Variants in BBS4 observed in about 807,000 individuals in gnomAD.
BBS4 encodes Bardet-Biedl syndrome 4.
Under a neutral mutation model 71.4 loss-of-function variants are expected in BBS4, and 58 were observed. That is an observed-to-expected ratio of 0.81 (90% confidence interval 0.66 to 1.01). The LOEUF (loss-of-function observed/expected upper bound fraction) is 1.01. Among genes scored for constraint, BBS4 ranks in the 50% least tolerant of loss-of-function variants. The pLI, the probability that BBS4 is intolerant of heterozygous loss-of-function variation, is 0.00. For missense variants in BBS4, 660 were observed against 607.9 expected (o/e 1.09, Z -0.90); for synonymous variants, 228 against 216.8 (o/e 1.05, Z -0.46).
intron 6 of BBS4, among the ~76,000 whole-genome samples, chr15:72,719,240 G>A (rs2065521029): frequency 6.7e-6 from 1 of 149,096 alleles, no homozygotes; most frequent in Non-Finnish European, 1.5e-5. Context: ...ATCCCTGGAT[G>A]CTAGCAGTTT....
Position 72,736,783 on chromosome 15 carries a change from T to A in BBS4, c.1270T>A (p.Leu424Met), listed in dbSNP as rs376011637. 1.9e-6 allele frequency: 3 copies of A among 1,614,146 alleles called. No individual in the cohort carries two copies. Among genetic ancestry groups the A allele is most frequent in the Non-Finnish European group, 2.5e-6 (3 of 1,180,018 alleles). ...DSEMVEMAQK[L>M]GAALQVGEAL... ...CAAGATGGTGGAGATGGCTCAGAAG[T>A]TGGGAGCTGCTCTCCAGGTTGGGGA... The change falls in exon 15 of 16, where the codon TTG becomes ATG. Residue 424 changes from leucine to methionine, a missense_variant. Transcript: ENST00000268057.
At chr15:72,730,145 C>T (rs539375613) in intron 10 of BBS4, among the ~76,000 whole-genome samples, 330 of 151,838 alleles carry the variant, frequency 2.2e-3, no homozygotes, top group African/African-American at 7.7e-3. Flanking sequence ...GGCGTGGTGG[C>T]GGGCGCCTGT....
intron 1 of BBS4, chr15:72,686,768 A>T (rs2064852571): frequency 2.7e-6 from 1 of 365,376 alleles, no homozygotes; most frequent in African/African-American, 2.1e-5. Context: ...GCTAATATAG[A>T]GGAACCCGAT....
intron 5 of BBS4, 143 bp downstream of exon 5, chr15:72,715,545 CT>C: frequency 1.4e-6 from 1 of 699,396 alleles, no homozygotes; most frequent in Admixed American, 2.1e-5. Context: ...GGGATTCACT[CT>C]GAAGAGCATG....
rs370635182 is a variant in BBS4, at chr15:72,735,925, A to G, written c.1207A>G (p.Ser403Gly). Residue 403 changes from serine to glycine, a missense_variant, in exon 14 of 16, where the codon AGC becomes GGC. By Grantham distance (56) the Ser-to-Gly change is moderately conservative. Transcript: ENST00000268057. ...AQYQEMEKKVSLLKDNSSLEF... is the reference protein window; with the variant it reads ...AQYQEMEKKVGLLKDNSSLEF... ...ATATCAGGAGATGGAGAAGAAAGTC[A>G]GCCTACTCAAGGACAATAGCTCTCT... The G allele has an allele frequency of 1.2e-6, 2 of 1,614,158 alleles. No homozygotes were observed. The highest frequency in any genetic ancestry group is 1.7e-6 in the Non-Finnish European group (2 of 1,180,030).
intron 2 of BBS4, among the ~76,000 whole-genome samples, chr15:72,706,962 T>C (rs1046111524): frequency 1.3e-5 from 2 of 152,088 alleles, no homozygotes; most frequent in African/African-American, 4.8e-5. Context: ...ATTACAGTTG[T>C]GAGCCAGTGT....
At chr15:72,706,747 A>T (rs2065270456) in intron 2 of BBS4, among the ~76,000 whole-genome samples, 1 of 152,214 alleles carries the variant, frequency 6.6e-6, no homozygotes, top group African/African-American at 2.4e-5. Flanking sequence ...GTAAAGTCAT[A>T]TCCATACTTT....
At chr15:72,716,190 T>G (rs1416140860) in intron 5 of BBS4, among the ~76,000 whole-genome samples, 2 of 152,210 alleles carry the variant, frequency 1.3e-5, no homozygotes, top group Non-Finnish European at 2.9e-5. Context: ...CTCTATTTGT[T>G]GAGTGAATGT....
rs1406688504 is a variant in BBS4 at position 72,703,003 on chromosome 15, G to T, written c.77-6697G>T. Among the ~76,000 whole-genome samples, 4 of 13,754 alleles carry T rather than the reference G, an allele frequency of 2.9e-4. No homozygotes were observed. The Admixed American group carries it at 8.5e-3, about 29-fold the overall frequency. The allele number at this position is 13,754 out of a possible 152,430, so 9.0% of individuals were successfully genotyped here. ...TTTTTGTATTTTTAGTAGAGACGGGGTTTCACCTTTTTTTAGCCGGGATGG... is the reference window on the plus strand; with the variant it reads ...TTTTTGTATTTTTAGTAGAGACGGGTTTTCACCTTTTTTTAGCCGGGATGG... On this transcript the variant is annotated intron_variant, in intron 2 of 15. Coordinates refer to ENST00000268057, the MANE Select transcript of BBS4 (RefSeq NM_033028.5).
chr15:72,725,630 G>A (rs2065657374), intron 8 of BBS4, among the ~76,000 whole-genome samples: 1 of 151,982 alleles, frequency 6.6e-6, no homozygotes, highest in Non-Finnish European at 1.5e-5. Context: ...AAAACATTTG[G>A]CCTTATTAGC....
In BBS4 at chr15:72,737,802, G is replaced by A. The variant is rs1422506530; in HGVS notation, c.*215G>A. 3 of 580,112 alleles carry A rather than the reference G, an allele frequency of 5.2e-6. No individual in the cohort carries two copies. Among genetic ancestry groups the A allele is most frequent in the Non-Finnish European group, 9.7e-6 (3 of 308,528 alleles). The allele number at this position is 580,112 out of a possible 1,614,324, so 35.9% of individuals were successfully genotyped here. Reference sequence around the variant, plus strand: ...TCTACTGCCCCATAAGCCAGGAAAAGTGAAAAGAGAACACAGTTCCTTTAA... The same window carrying A: ...TCTACTGCCCCATAAGCCAGGAAAAATGAAAAGAGAACACAGTTCCTTTAA... On this transcript the variant is annotated 3_prime_UTR_variant, in exon 16 of 16. Transcript: ENST00000268057.
chr15:72,735,476 G>C (rs2151054200), intron 13 of BBS4: 1 of 522,188 alleles, frequency 1.9e-6, no homozygotes, highest in South Asian at 2.0e-5. Flanking sequence ...TGGAATATCA[G>C]ATGGGACTCT....
At chr15:72,704,503 C>T in intron 2 of BBS4, 1 of 1,222,774 alleles carries the variant, frequency 8.2e-7, no homozygotes, top group Non-Finnish European at 1.1e-6. Flanking sequence ...ATTGTAAATT[C>T]AGGATTCATA....
intron 12 of BBS4, among the ~76,000 whole-genome samples, chr15:72,732,965 C>T (rs2065853580): frequency 6.6e-6 from 1 of 152,102 alleles, no homozygotes; most frequent in African/African-American, 2.4e-5. Flanking sequence ...GGTACCTGAC[C>T]CTCGGGTGAC....
chr15:72,715,163 A>T, intron 4 of BBS4, 128 bp from the exon 5 acceptor site: 3 of 706,848 alleles, frequency 4.2e-6, no homozygotes, highest in Non-Finnish European at 7.5e-6. Context: ...TGTTTTAAGG[A>T]TACAGTTGTC....
intron 1 of BBS4, among the ~76,000 whole-genome samples, chr15:72,692,613 G>GA (rs1446075551): frequency 8.0e-5 from 12 of 149,888 alleles, no homozygotes; most frequent in East Asian, 2.0e-4. Flanking sequence ...ACACCTGGCT[G>GA]TTTGTTTGTT....
At chr15:72,730,305 AAAAT>A (rs1165926680) in intron 10 of BBS4, among the ~76,000 whole-genome samples, 1 of 151,658 alleles carries the variant, frequency 6.6e-6, no homozygotes, top group Non-Finnish European at 1.5e-5. Flanking sequence ...AAAAATAAAA[AAAAT>A]AAATCTGCTG....
chr15:72,694,374 A>G (rs2065039508), intron 1 of BBS4, among the ~76,000 whole-genome samples: 1 of 151,952 alleles, frequency 6.6e-6, no homozygotes, highest in African/African-American at 2.4e-5. Flanking sequence ...TATATTTAGT[A>G]GAGACGGGGT....
At chr15:72,714,654 T>C (rs1331691158) in intron 4 of BBS4, among the ~76,000 whole-genome samples, 1 of 152,238 alleles carries the variant, frequency 6.6e-6, no homozygotes, top group Non-Finnish European at 1.5e-5. Flanking sequence ...GTCTTCAGAT[T>C]AACATATAAT....
Sources: gnomAD v4.1 joint callset for allele counts (sites outside exome capture counted in the v4.1 genomes callset) on GRCh38, gnomAD v4.1.1 for gene constraint, MANE v1.5 for transcripts, NCBI Gene and HGNC (gene_info 2026-07-23, HGNC 2026-07-21) for gene names.